Variants in FRAS1 observed in about 807,000 individuals in gnomAD.
FRAS1 encodes extracellular matrix organizing protein FRAS1.
FRAS1 carries 290 observed loss-of-function variants against 435.2 expected under a neutral mutation model. The observed-to-expected ratio is 0.67, with a 90% confidence interval of 0.61 to 0.73. The LOEUF is 0.73. Among genes scored for constraint, FRAS1 ranks in the 30% least tolerant of loss-of-function variants. The probability of loss-of-function intolerance (pLI) is 0.00; values close to 1 mark genes in which losing one functional copy is unlikely to be tolerated. For missense variants in FRAS1, 4,860 were observed against 5,001.5 expected (o/e 0.97, Z 0.85); for synonymous variants, 1,800 against 1,851.0 (o/e 0.97, Z 0.71).
intron 41 of FRAS1, among the ~76,000 whole-genome samples, chr4:78,441,742 CTT>C (rs1734667456): frequency 6.6e-6 from 1 of 152,098 alleles, no homozygotes; most frequent in Admixed American, 6.6e-5. Flanking sequence ...AATTCCTGTC[CTT>C]TTATTGTGAG....
At chr4:78,101,062 C>T (rs1191271819) in intron 2 of FRAS1, among the ~76,000 whole-genome samples, 1 of 151,964 alleles carries the variant, frequency 6.6e-6, no homozygotes, top group African/African-American at 2.4e-5. Context: ...TGGCTTCTGG[C>T]AACCATTTAA....
intron 18 of FRAS1, among the ~76,000 whole-genome samples, chr4:78,325,304 G>A (rs566435618): frequency 6.6e-6 from 1 of 152,262 alleles, no homozygotes; most frequent in South Asian, 2.1e-4. Flanking sequence ...AATTAACTTG[G>A]TTTAGGTGAA....
intron 14 of FRAS1, among the ~76,000 whole-genome samples, chr4:78,301,849 T>TG (rs1553941016): frequency 1.3e-5 from 2 of 148,178 alleles, no homozygotes; most frequent in South Asian, 2.1e-4. Flanking sequence ...AGAAACAGTT[T>TG]TTTTTTTTTT....
At chr4:78,374,534 C>G (rs1731680137) in intron 25 of FRAS1, among the ~76,000 whole-genome samples, 1 of 152,220 alleles carries the variant, frequency 6.6e-6, no homozygotes, top group Admixed American at 6.5e-5. Flanking sequence ...TTCTATTGAT[C>G]TACAGTGAGG....
chr4:78,488,812 C>A, intron 58 of FRAS1, 63 bp from the exon 59 acceptor site: 1 of 1,475,434 alleles, frequency 6.8e-7, no homozygotes, highest in Non-Finnish European at 9.3e-7. Context: ...CTGACAAGGA[C>A]CATGGCCACA....
intron 20 of FRAS1, among the ~76,000 whole-genome samples, chr4:78,342,366 A>G (rs1396123529): frequency 3.3e-5 from 5 of 152,198 alleles, no homozygotes; most frequent in Admixed American, 2.6e-4. Flanking sequence ...TGGAGATGTC[A>G]TATGTGTGGG....
chr4:78,363,774 A>T, intron 21 of FRAS1, 109 bp downstream of exon 21: 1 of 1,412,604 alleles, frequency 7.1e-7, no homozygotes, highest in Non-Finnish European at 9.7e-7. Context: ...AGGAAGTGTA[A>T]ACCACTTCCA....
In FRAS1 at chr4:78,446,710, G is replaced by GTTTATGCTTTA; in HGVS notation, c.5857-16_5857-6dup. The GTTTATGCTTTA allele has an allele frequency of 1.2e-6, 2 of 1,609,388 alleles. No homozygotes were observed. The highest frequency in any genetic ancestry group is 1.7e-6 in the Non-Finnish European group (2 of 1,178,494). On this transcript the variant is annotated splice_polypyrimidine_tract_variant and intron_variant, in intron 42 of 73. Coordinates refer to ENST00000512123, the MANE Select transcript of FRAS1 (RefSeq NM_025074.7). ...TTAAATATCTGTGTGAGATCTAATA[G>GTTTATGCTTTA]TTTATGCTTTAATCAGAGGAAGAAC...
intron 14 of FRAS1, among the ~76,000 whole-genome samples, chr4:78,307,560 C>G (rs533182343): frequency 6.6e-6 from 1 of 152,328 alleles, no homozygotes; most frequent in South Asian, 2.1e-4. Flanking sequence ...TCTCCTGGTG[C>G]GCCGTTTTTT....
rs1725589210 is a variant in FRAS1 at position 78,252,510 on chromosome 4, T to C, written c.428T>C (p.Ile143Thr). ...LSCGHQELAF[I>T]PEGSCCPVCV... is the part of the protein sequence containing the mutation. ...TGTGGACACCAGGAGCTGGCATTCA[T>C]CCCTGAAGGAAGCTGCTGCCCAGTT... is the stretch of plus-strand genomic sequence containing the variant. Residue 143 changes from isoleucine (I) to threonine (T), a missense_variant, in exon 5 of 74, where the codon ATC becomes ACC. By Grantham distance (89) the Ile-to-Thr change is moderately conservative (BLOSUM62 -1). Coordinates refer to ENST00000512123, the MANE Select transcript of FRAS1 (RefSeq NM_025074.7). 1 of 1,613,818 alleles carries C rather than the reference T, an allele frequency of 6.2e-7. No homozygotes were observed. The highest frequency in any genetic ancestry group is 8.5e-7 in the Non-Finnish European group (1 of 1,179,810).
chr4:78,381,787 G>A (rs1052276942), intron 27 of FRAS1, among the ~76,000 whole-genome samples: 1 of 151,996 alleles, frequency 6.6e-6, no homozygotes, highest in African/African-American at 2.4e-5. Flanking sequence ...CCCCTAAATG[G>A]GACAAAGAAT....
chr4:78,064,755 C>T (rs1161725602), intron 1 of FRAS1, among the ~76,000 whole-genome samples: 1 of 151,834 alleles, frequency 6.6e-6, no homozygotes, highest in Admixed American at 6.6e-5. Context: ...AGAAGGTAGA[C>T]CAATTCTTTC....
chr4:78,276,395 T>G (rs11730296), intron 9 of FRAS1, among the ~76,000 whole-genome samples: 92,743 of 152,110 alleles, frequency 0.61, 28,474 homozygotes, highest in Middle Eastern at 0.7. Context: ...GGTGCTCTGA[T>G]TTTTAAAATT....
chr4:78,209,665 T>C (rs1184356578), intron 2 of FRAS1, among the ~76,000 whole-genome samples: 2 of 152,156 alleles, frequency 1.3e-5, no homozygotes, highest in Admixed American at 1.3e-4. Context: ...TTCTCTGAGG[T>C]TTGTGCAGTT....
At chr4:78,343,741 G>T (rs1205847749) in intron 20 of FRAS1, among the ~76,000 whole-genome samples, 1 of 152,156 alleles carries the variant, frequency 6.6e-6, no homozygotes, top group Admixed American at 6.5e-5. Context: ...TAACAGGGGG[G>T]AAAACCCAGT....
chr4:78,210,852 G>A (rs1328191449), intron 2 of FRAS1, among the ~76,000 whole-genome samples: 1 of 152,188 alleles, frequency 6.6e-6, no homozygotes, highest in Non-Finnish European at 1.5e-5. Flanking sequence ...GGCCTGTTAG[G>A]TGGCAGTGCC....
At chr4:78,263,718 A>G (rs1174180436) in intron 6 of FRAS1, among the ~76,000 whole-genome samples, 1 of 152,246 alleles carries the variant, frequency 6.6e-6, no homozygotes, top group Admixed American at 6.5e-5. Flanking sequence ...ATTTCCACAT[A>G]TTCCATTAAA....
chr4:78,455,439 T>C (rs1719163240), intron 47 of FRAS1, among the ~76,000 whole-genome samples: 1 of 151,894 alleles, frequency 6.6e-6, no homozygotes, highest in Non-Finnish European at 1.5e-5. Context: ...GTTCTGTTAT[T>C]TCCAAGAAGA....
intron 12 of FRAS1, 118 bp downstream of exon 12, chr4:78,283,085 G>T: frequency 1.3e-6 from 1 of 743,038 alleles, no homozygotes. Context: ...CAATGGGTTT[G>T]TTTGTTTCTT....
Sources: gnomAD v4.1 joint callset for allele counts (sites outside exome capture counted in the v4.1 genomes callset) on GRCh38, gnomAD v4.1.1 for gene constraint, MANE v1.5 for transcripts, NCBI Gene and HGNC (gene_info 2026-07-23, HGNC 2026-07-21) for gene names.